Variants in SCFD2 observed in about 807,000 individuals in gnomAD.
SCFD2 encodes the protein sec1 family domain-containing protein 2.
SCFD2 carries 54 observed loss-of-function variants against 58.9 expected under a neutral mutation model. The ratio of observed to expected loss-of-function variants is 0.92; its 90% CI spans 0.74 to 1.15. The LOEUF is 1.15. Ranked by LOEUF, SCFD2 falls within the 50% of genes most tolerant of loss-of-function variation. SCFD2 has a pLI of 0.00. For missense variants in SCFD2, 805 were observed against 836.6 expected (o/e 0.96, Z 0.47); for synonymous variants, 321 against 335.9 (o/e 0.96, Z 0.49).
At chr4:53,134,283 A>G (rs1262699398) in intron 5 of SCFD2, among the ~76,000 whole-genome samples, 1 of 152,166 alleles carries the variant, frequency 6.6e-6, no homozygotes, top group East Asian at 1.9e-4. Flanking sequence ...CATGGTGCCT[A>G]TGGTTAACAA....
intron 5 of SCFD2, among the ~76,000 whole-genome samples, chr4:52,980,643 T>C (rs1721356545): frequency 6.6e-6 from 1 of 152,174 alleles, no homozygotes; most frequent in African/African-American, 2.4e-5. Flanking sequence ...CCACAGACAC[T>C]TTTGTATTTC....
chr4:53,333,278 C>T (rs1177557366), intron 2 of SCFD2, among the ~76,000 whole-genome samples: 3 of 149,776 alleles, frequency 2.0e-5, no homozygotes, highest in Non-Finnish European at 4.4e-5. Context: ...CAAAAAAGAG[C>T]CCGCCATCGC....
At chr4:52,914,761 T>C (rs1047137660) in intron 6 of SCFD2, among the ~76,000 whole-genome samples, 3 of 152,200 alleles carry the variant, frequency 2.0e-5, no homozygotes, top group Non-Finnish European at 1.5e-5. Context: ...TATTTATTTT[T>C]ACACCAGTGC....
intron 5 of SCFD2, among the ~76,000 whole-genome samples, chr4:52,995,920 C>T (rs1441232202): frequency 2.0e-5 from 3 of 152,160 alleles, no homozygotes; most frequent in Non-Finnish European, 4.4e-5. Context: ...TGTGGATCCT[C>T]AGTGGTGGCA....
chr4:53,253,356 A>G (rs1405653753), intron 4 of SCFD2, among the ~76,000 whole-genome samples: 1 of 152,144 alleles, frequency 6.6e-6, no homozygotes, highest in Non-Finnish European at 1.5e-5. Flanking sequence ...CTAGAACTAG[A>G]AATACCATTT....
chr4:53,149,849 C>T (rs1355971911), intron 4 of SCFD2, among the ~76,000 whole-genome samples: 1 of 152,106 alleles, frequency 6.6e-6, no homozygotes, highest in Non-Finnish European at 1.5e-5. Flanking sequence ...AAATGCCTGG[C>T]CAGTACTCCA....
chr4:53,274,384 A>C (rs1363322788), intron 3 of SCFD2, among the ~76,000 whole-genome samples: 1 of 152,218 alleles, frequency 6.6e-6, no homozygotes, highest in African/African-American at 2.4e-5. Flanking sequence ...TAAGAGGGAA[A>C]AAGATAAGAT....
intron 4 of SCFD2, among the ~76,000 whole-genome samples, chr4:53,264,733 A>G (rs1183265713): frequency 6.6e-6 from 1 of 152,242 alleles, no homozygotes; most frequent in African/African-American, 2.4e-5. Flanking sequence ...TTAGAAAATT[A>G]GCAGACATAC....
chr4:53,360,825 A>G (rs1275894073), intron 1 of SCFD2, among the ~76,000 whole-genome samples: 1 of 152,196 alleles, frequency 6.6e-6, no homozygotes, highest in Non-Finnish European at 1.5e-5. Flanking sequence ...TCATTGCTTT[A>G]TCATCATATC....
intron 5 of SCFD2, among the ~76,000 whole-genome samples, chr4:53,144,578 G>GA (rs1412529540): frequency 2.7e-5 from 4 of 148,178 alleles, no homozygotes; most frequent in African/African-American, 9.9e-5. Context: ...AAACACTACT[G>GA]AAAATGGCAA....
At chr4:53,249,703 C>A (rs1413642444) in intron 4 of SCFD2, among the ~76,000 whole-genome samples, 2 of 152,126 alleles carry the variant, frequency 1.3e-5, no homozygotes, top group Admixed American at 6.5e-5. Context: ...TCCAGCCAAA[C>A]TAACCTTCAT....
chr4:53,151,343 A>G (rs1314293996), intron 4 of SCFD2, among the ~76,000 whole-genome samples: 2 of 152,240 alleles, frequency 1.3e-5, no homozygotes, highest in Admixed American at 1.3e-4. Flanking sequence ...GCTTACTAGC[A>G]GGAGGTAGAA....
intron 4 of SCFD2, among the ~76,000 whole-genome samples, chr4:53,260,850 G>A (rs1468164069): frequency 1.3e-5 from 2 of 152,086 alleles, no homozygotes; most frequent in African/African-American, 4.8e-5. Context: ...GAATCCATCT[G>A]GTCCTGGACT....
At chr4:52,903,605 T>G (rs1006364945) in intron 7 of SCFD2, among the ~76,000 whole-genome samples, 10 of 152,226 alleles carry the variant, frequency 6.6e-5, no homozygotes, top group Admixed American at 6.5e-4. Context: ...CCGCTGAGGA[T>G]GCAGAAAAGA....
At position 53,352,763 on chromosome 4, in the gene SCFD2, G is replaced by C. The variant is rs372708237; in HGVS notation, c.842C>G (p.Ala281Gly). 3.1e-6 allele frequency: 5 copies of C among 1,613,172 alleles called. No homozygotes were observed. In the South Asian group the frequency reaches 5.5e-5, roughly 18 times the overall value. The part of the protein sequence containing the change: ...FVDRTLDLTG[A>G]VGHHGDNLVE... ...TAAGTTGTCTCCATGATGTCCAACT[G>C]CTCCTGTTTAAGCAGACAAGATGAT... is the stretch of plus-strand genomic sequence containing the variant. The change falls in exon 2 of 9, where the codon GCA becomes GGA. Residue 281 changes from alanine (A) to glycine (G), a missense_variant. Transcript: ENST00000401642.
chr4:52,923,552 C>T (rs1719794249), intron 5 of SCFD2, among the ~76,000 whole-genome samples: 1 of 151,802 alleles, frequency 6.6e-6, no homozygotes, highest in African/African-American at 2.4e-5. Context: ...TGCCTCCTCA[C>T]AACAGTGGAC....
intron 4 of SCFD2, among the ~76,000 whole-genome samples, chr4:53,186,867 C>T (rs1448907842): frequency 2.0e-5 from 3 of 151,960 alleles, no homozygotes; most frequent in Non-Finnish European, 2.9e-5. Context: ...GGGATGATGA[C>T]AATATCTGAC....
intron 7 of SCFD2, among the ~76,000 whole-genome samples, chr4:52,903,792 A>G (rs1194438263): frequency 6.6e-6 from 1 of 152,236 alleles, no homozygotes; most frequent in Non-Finnish European, 1.5e-5. Context: ...ATTTAAAAAC[A>G]TGCTGATTAA....
rs181265532 is a variant in SCFD2, at chr4:53,292,566, G to C, written c.1136-18565C>G. 2.5e-4 allele frequency among the ~76,000 whole-genome samples: 38 copies of C among 152,264 alleles called. No homozygotes were observed. The East Asian group carries it at 7.1e-3, about 29-fold the overall frequency. On this transcript the variant is annotated intron_variant, in intron 3 of 8. Coordinates refer to ENST00000401642, the MANE Select transcript of SCFD2 (RefSeq NM_152540.4). Reference sequence around the variant, plus strand: ...TCATGAAACAACAGATGTTGGTGAGGCTGCAGAGAAAAAGGAACACTTTTA... The same window carrying C: ...TCATGAAACAACAGATGTTGGTGAGCCTGCAGAGAAAAAGGAACACTTTTA...
Sources: gnomAD v4.1 joint callset for allele counts (sites outside exome capture counted in the v4.1 genomes callset) on GRCh38, gnomAD v4.1.1 for gene constraint, MANE v1.5 for transcripts, NCBI Gene and HGNC (gene_info 2026-07-23, HGNC 2026-07-21) for gene names.